The following STAB2 variants were observed in gnomAD, a reference collection of about 807,000 sequenced individuals.
The protein encoded by STAB2 is stabilin-2.
Under a neutral mutation model 338.1 loss-of-function variants are expected in STAB2, and 288 were observed. The observed-to-expected ratio is 0.85, with a 90% CI of 0.77 to 0.94. The LOEUF is 0.94. Among genes scored for constraint, STAB2 ranks in the 40% least tolerant of loss-of-function variants. The pLI, the probability that STAB2 is intolerant of heterozygous loss-of-function variation, is 0.00. For synonymous variants in STAB2, 1,202 were observed against 1,193.3 expected, an observed-to-expected ratio of 1.01 and a Z score of -0.15; for missense variants, 3,141 against 3,210.1, an observed-to-expected ratio of 0.98 and a Z score of 0.52.
chr12:103,733,167 G>A lies in STAB2; in HGVS notation c.5445G>A (p.Val1815=), dbSNP rs1277847709. 1 of 1,614,056 alleles carries A rather than the reference G, an allele frequency of 6.2e-7. No homozygotes were observed. Among genetic ancestry groups the A allele is most frequent in the African/African-American group, 1.3e-5 (1 of 75,016 alleles). ...DKLKEYLKFH[V]IRDAKVLAVD... ...TGAAGGAGTATTTGAAGTTTCATGT[G>A]ATACGAGATGCCAAGGTATTTAGTT... Residue 1815 remains valine (V), a synonymous_variant, in exon 51 of 69, where the codon GTG becomes GTA. Coordinates refer to ENST00000388887, the MANE Select transcript of STAB2 (RefSeq NM_017564.10).
Position 103,708,555 on chromosome 12 carries a change from G to C in STAB2, c.4288+19G>C, listed in dbSNP as rs775475808. 3.7e-6 allele frequency: 6 copies of C among 1,610,788 alleles called. 2 individuals are homozygous for C. The South Asian group carries it at 6.6e-5, about 18-fold the overall frequency. On this transcript the variant is annotated intron_variant, in intron 39 of 68. Coordinates refer to ENST00000388887, the MANE Select transcript of STAB2 (RefSeq NM_017564.10). ...GACAATGGTAAGAGTGAGGCCTCCA[G>C]TATTTATAATCTGCTCTAAGCTTTG... is the stretch of plus-strand genomic sequence containing the variant.
rs1021787117 is a variant in STAB2 at position 103,762,151 on chromosome 12, T to C, written c.7360-123T>C. On this transcript the variant is annotated intron_variant, in intron 66 of 68. Transcript: ENST00000388887. ...GACCCTGGCAGTAATAAGGGCCAGA[T>C]ACATGTTAACATGTCAGTATTTTTA... 1.7e-5 allele frequency: 23 copies of C among 1,334,192 alleles called. No individual in the cohort carries two copies. In the African/African-American group the frequency reaches 3.1e-4, roughly 18 times the overall value. The allele number at this position is 1,334,192 out of a possible 1,614,324, so 82.6% of individuals were successfully genotyped here. A position where few individuals can be genotyped will look rare whatever the true frequency, so the allele number is the denominator to read the frequency against.
intron 68 of STAB2, among the ~76,000 whole-genome samples, chr12:103,765,086 CAAAAAAAAAAAAA>C (rs56002429): frequency 1.5e-5 from 1 of 66,546 alleles, no homozygotes; most frequent in Non-Finnish European, 2.8e-5. Context: ...GACTCTGTCT[CAAAAAAAAAAAAA>C]AAAAAAAAAA....
At chr12:103,661,832 A>G (rs1235747896) in intron 17 of STAB2, among the ~76,000 whole-genome samples, 1 of 152,214 alleles carries the variant, frequency 6.6e-6, no homozygotes, top group Non-Finnish European at 1.5e-5. Context: ...CAGTGTGGCT[A>G]GAGCAGAGAG....
intron 49 of STAB2, among the ~76,000 whole-genome samples, chr12:103,730,629 A>T (rs1457754136): frequency 6.6e-6 from 1 of 152,190 alleles, no homozygotes; most frequent in African/African-American, 2.4e-5. Context: ...AGAACACAGA[A>T]TCCACTACAC....
chr12:103,737,899 C>A, intron 53 of STAB2, 119 bp downstream of exon 53: 1 of 1,336,566 alleles, frequency 7.5e-7, no homozygotes. Context: ...GACTAGGACC[C>A]AGAAGACCTG....
chr12:103,727,505 G>A (rs1448545909), intron 47 of STAB2, among the ~76,000 whole-genome samples, 155 bp downstream of exon 47: 1 of 152,204 alleles, frequency 6.6e-6, no homozygotes, highest in African/African-American at 2.4e-5. Flanking sequence ...CTTGGCACAG[G>A]GACCCCTGTC....
Position 103,685,461 on chromosome 12 carries a change from CGTGT to C in STAB2, c.2997+385_2997+388del, listed in dbSNP as rs371511016. On this transcript the variant is annotated intron_variant, in intron 27 of 68. Transcript: ENST00000388887. ...GTGTGTGTGTGTGTGTGTGCGCGTG[CGTGT>C]GTGTGTGCGTGCGCGCATGTGTGTG... Among the ~76,000 whole-genome samples the C allele has an allele frequency of 5.9e-4, 64 of 108,188 alleles. 1 individual carries two copies. Among genetic ancestry groups the C allele is most frequent in the Admixed American group, 4.6e-3 (42 of 9,144 alleles). 71.0% of individuals were successfully genotyped at this position (108,188 alleles called of 152,430 possible).
At chr12:103,624,125 C>T (rs948178055) in intron 5 of STAB2, among the ~76,000 whole-genome samples, 1 of 152,214 alleles carries the variant, frequency 6.6e-6, no homozygotes, top group Admixed American at 6.5e-5. Flanking sequence ...ACATCCCACC[C>T]CCATAAGTTT....
intron 68 of STAB2, among the ~76,000 whole-genome samples, chr12:103,764,356 T>A (rs925524299): frequency 2.0e-5 from 3 of 152,232 alleles, no homozygotes; most frequent in Non-Finnish European, 4.4e-5. Context: ...TTTTCTTTGA[T>A]GAGGCCTTAT....
At position 103,699,220 on chromosome 12, in the gene STAB2, A is replaced by G. The variant is rs1878654057; in HGVS notation, c.3707A>G (p.Asn1236Ser). The change falls in exon 34 of 69, where the codon AAT becomes AGT. Residue 1236 changes from asparagine (N) to serine (S), a missense_variant. By Grantham distance (46) the Asn-to-Ser change is conservative (BLOSUM62 1). Transcript: ENST00000388887. ...TATTTCCTTAGCTTCTTTCTCCATA[A>G]TGACCAGGTACGATCCTTTTATGTA... ...FSYFLSFFLH[N>S]DQLYVNEAPI... 1 of 1,611,120 alleles carries G rather than the reference A, an allele frequency of 6.2e-7. No individual in the cohort carries two copies. The highest frequency in any genetic ancestry group is 1.3e-5 in the African/African-American group (1 of 74,950).
At position 103,715,867 on chromosome 12, in the gene STAB2, C is replaced by T; in HGVS notation, c.4590C>T (p.Cys1530=). The T allele has an allele frequency of 6.2e-7, 1 of 1,614,016 alleles. No homozygotes were observed. The highest frequency in any genetic ancestry group is 8.5e-7 in the Non-Finnish European group (1 of 1,179,936). The change falls in exon 43 of 69, where the codon TGC becomes TGT. Residue 1530 remains cysteine (C), a synonymous_variant. Coordinates refer to ENST00000388887, the MANE Select transcript of STAB2 (RefSeq NM_017564.10). ...GTGGCTGTGACAAGAATGCGGAGTG[C>T]ACACAGACAGGACCCAACCAGGTGA... The part of the protein sequence containing the change: ...NHGGCDKNAE[C]TQTGPNQAAC...
At chr12:103,711,355 C>T (rs1031878510) in intron 39 of STAB2, 116 bp from the exon 40 acceptor site, 24 of 1,357,582 alleles carry the variant, frequency 1.8e-5, no homozygotes, top group Admixed American at 4.2e-5. Flanking sequence ...AGTTTTATAT[C>T]GCTCACATGA....
intron 68 of STAB2, 28 bp downstream of exon 68, chr12:103,763,636 G>C: frequency 6.3e-7 from 1 of 1,586,456 alleles, no homozygotes; most frequent in Non-Finnish European, 8.6e-7. Context: ...TCTAGGAATA[G>C]GTTCCCTTGG....
chr12:103,687,240 G>A (rs1263484073), intron 27 of STAB2, among the ~76,000 whole-genome samples: 2 of 152,000 alleles, frequency 1.3e-5, no homozygotes, highest in African/African-American at 4.8e-5. Flanking sequence ...AGTTCTCAGA[G>A]GTTAAGTGAC....
chr12:103,739,502 C>A (rs1380452242), intron 54 of STAB2, 34 bp downstream of exon 54: 5 of 1,487,778 alleles, frequency 3.4e-6, no homozygotes, highest in Non-Finnish European at 4.5e-6. Flanking sequence ...GTTTGGAGAG[C>A]CATAGGTCTG....
At chr12:103,717,623 CATT>C in intron 43 of STAB2, 144 bp from the exon 44 acceptor site, 1 of 653,312 alleles carries the variant, frequency 1.5e-6, no homozygotes, top group South Asian at 2.0e-5. Flanking sequence ...TGACAATTAT[CATT>C]ATAAAATAGA....
rs35961745 is a variant in STAB2 at position 103,762,417 on chromosome 12, T to TG, written c.7488+18dup. 2 of 1,614,018 alleles carry TG rather than the reference T, an allele frequency of 1.2e-6. No individual in the cohort carries two copies. Among genetic ancestry groups the TG allele is most frequent in the Non-Finnish European group, 1.7e-6 (2 of 1,179,990 alleles). On this transcript the variant is annotated intron_variant, in intron 67 of 68. Coordinates refer to ENST00000388887, the MANE Select transcript of STAB2 (RefSeq NM_017564.10). ...AGCATTTTGAGGTAAGAGAGAAAAA[T>TG]GGGAACATGATGATGGGGTCCTCTC... is the stretch of plus-strand genomic sequence containing the variant.
At chr12:103,749,811 G>A (rs1269085896) in intron 59 of STAB2, among the ~76,000 whole-genome samples, 2 of 116,974 alleles carry the variant, frequency 1.7e-5, no homozygotes, top group African/African-American at 6.7e-5. Context: ...CTGCACTCCA[G>A]CCTGGGTGAC....
Sources: allele counts gnomAD v4.1 joint callset (sites outside exome capture counted in the v4.1 genomes callset), GRCh38; gene constraint gnomAD v4.1.1; transcripts MANE v1.5; gene names NCBI Gene and HGNC (gene_info 2026-07-23, HGNC 2026-07-21).